Variants in BAG6 observed in about 807,000 individuals in gnomAD.
The protein encoded by BAG6 is large proline-rich protein BAG6.
A neutral mutation model predicts 121.0 loss-of-function variants in BAG6; 22 were observed. That is an observed-to-expected ratio of 0.18 (90% CI 0.13 to 0.26). The LOEUF (loss-of-function observed/expected upper bound fraction) is 0.26. Among genes scored for constraint, BAG6 ranks in the 10% least tolerant of loss-of-function variants. BAG6 has a pLI of 1.00. For missense variants in BAG6, 1,233 were observed against 1,537.7 expected (o/e 0.80, Z 3.31); for synonymous variants, 583 against 584.6 (o/e 1.00, Z 0.04).
chr6:31,646,244 C>G (rs1385845912), intron 8 of BAG6, 150 bp downstream of exon 8: 1 of 1,255,234 alleles, frequency 8.0e-7, no homozygotes, highest in East Asian at 2.5e-5. Context: ...CCTTGGCCTC[C>G]CAAAGTGCTG....
intron 8 of BAG6, 53 bp from the exon 9 acceptor site, chr6:31,645,657 A>G: frequency 1.3e-6 from 2 of 1,585,636 alleles, no homozygotes; most frequent in South Asian, 2.3e-5. Context: ...GCTGGAGTCC[A>G]TCTCACTAAT....
At position 31,646,766 on chromosome 6, in the gene BAG6, G is replaced by GTTTT. The variant is rs66820473; in HGVS notation, c.789-247_789-244dup. Among the ~76,000 whole-genome samples the GTTTT allele has an allele frequency of 2.2e-3, 133 of 60,648 alleles. 2 individuals carry two copies. Among genetic ancestry groups the GTTTT allele is most frequent in the East Asian group, 0.01 (20 of 1,952 alleles). The allele number at this position is 60,648 out of a possible 152,430, so 39.8% of individuals were successfully genotyped here. A position where few individuals can be genotyped will look rare whatever the true frequency, so the allele number is the denominator to read the frequency against. ...CTGCCACCACACCCGGCTAATTTTT[G>GTTTT]TTTTTTTTTTTTTTTTTTTTTTTTT... is the stretch of plus-strand genomic sequence containing the variant. On this transcript the variant is annotated intron_variant, in intron 7 of 25. Transcript: ENST00000676615.
chr6:31,642,972 C>G lies in BAG6; in HGVS notation c.1900G>C (p.Asp634His), dbSNP rs755726048. 15 of 1,602,122 alleles carry G rather than the reference C, an allele frequency of 9.4e-6. No homozygotes were observed. The highest frequency in any genetic ancestry group is 1.1e-5 in the Non-Finnish European group (13 of 1,175,008). Residue 634 changes from aspartate to histidine, a missense_variant, in exon 15 of 26, where the codon GAT becomes CAT. By Grantham distance (81) the Asp-to-His change is moderately conservative. Coordinates refer to ENST00000676615, the MANE Select transcript of BAG6 (RefSeq NM_001387994.1). The stretch of plus-strand genomic sequence containing the variant: ...CCCAGAAGCTGAGAGAACTGAAGAT[C>G]AGCCATGGAGGGTTGAGGGGTGGGT... ...PPPTPQPSMA[D>H]LQFSQLLGNL...
At chr6:31,646,778 T>TTG (rs1561934638) in intron 7 of BAG6, among the ~76,000 whole-genome samples, 1 of 131,340 alleles carries the variant, frequency 7.6e-6, no homozygotes, top group Admixed American at 7.8e-5. Context: ...TTTTTTTTTT[T>TTG]TTTTTTTTTT....
chr6:31,639,851 C>T (rs1780778917), intron 24 of BAG6: 4 of 697,004 alleles, frequency 5.7e-6, no homozygotes, highest in Non-Finnish European at 9.3e-6. Flanking sequence ...AGTGAATGTG[C>T]TTGAACGTGC....
Position 31,644,413 on chromosome 6 carries a change from G to A in BAG6, c.1449C>T (p.Gly483=). The A allele has an allele frequency of 6.4e-7, 1 of 1,551,414 alleles. No homozygotes were observed. The highest frequency in any genetic ancestry group is 8.7e-7 in the Non-Finnish European group (1 of 1,147,270). The change falls in exon 12 of 26, where the codon GGC becomes GGT. Residue 483 remains glycine (G), a splice_region_variant and synonymous_variant. Coordinates refer to ENST00000676615, the MANE Select transcript of BAG6 (RefSeq NM_001387994.1). This position sits in a 1 kb window ranked among gnomAD's most constrained non-coding sequence, Gnocchi z 4.9. ...GGGAGGGCAGCTGGATGAGGGTGGAGCCTGGGGGGCGGGTCTGATGTAACC... is the reference window on the plus strand; with the variant it reads ...GGGAGGGCAGCTGGATGAGGGTGGAACCTGGGGGGCGGGTCTGATGTAACC... The part of the protein sequence containing the change: ...LGPPGHGQTL[G]STLIQLPSLP...
chr6:31,651,233 G>A (rs1476526130), intron 2 of BAG6, among the ~76,000 whole-genome samples: 1 of 152,180 alleles, frequency 6.6e-6, no homozygotes, highest in African/African-American at 2.4e-5. Flanking sequence ...TACGAACAAA[G>A]GGATCAATAA....
intron 8 of BAG6, 24 bp downstream of exon 8, chr6:31,646,370 G>A (rs753908814): frequency 1.9e-6 from 3 of 1,610,128 alleles, no homozygotes; most frequent in African/African-American, 1.3e-5. Flanking sequence ...TGAGGAGAAA[G>A]GGCAGGGCCA....
In BAG6 at chr6:31,647,641, A is replaced by G. The variant is rs1435550635; in HGVS notation, c.738T>C (p.Pro246=). 1 of 1,606,378 alleles carries G rather than the reference A, an allele frequency of 6.2e-7. No individual in the cohort carries two copies. ...RAPAQNPELT[P]GPAPAGPTPA... ...GTGTTGGGCCCGCTGGGGCTGGGCC[A>G]GGAGTGAGCTCCGGGTTCTGGGCTG... The change falls in exon 7 of 26, where the codon CCT becomes CCC. Residue 246 remains proline, a synonymous_variant. Transcript: ENST00000676615.
rs767268870 is a variant in BAG6 at position 31,642,942 on chromosome 6, G to C, written c.1930C>G (p.Leu644Val). The stretch of plus-strand genomic sequence containing the variant: ...GCCCCTGGCCCTGCAGGCCCTAGCA[G>C]GTTCCCCAGAAGCTGAGAGAACTGA... Reference protein sequence around the residue: ...DLQFSQLLGNLLGPAGPGAGG... With the variant: ...DLQFSQLLGNVLGPAGPGAGG... The change falls in exon 15 of 26, where the codon CTG (leucine) becomes GTG (valine). Residue 644 changes from leucine to valine, a missense_variant. Leu to Val is a conservative substitution (Grantham distance 32, BLOSUM62 1). Coordinates refer to ENST00000676615, the MANE Select transcript of BAG6 (RefSeq NM_001387994.1). 4 of 1,607,508 alleles carry C rather than the reference G, an allele frequency of 2.5e-6. No homozygotes were observed. Among genetic ancestry groups the C allele is most frequent in the Admixed American group, 1.7e-5 (1 of 58,940 alleles).
At position 31,644,097 on chromosome 6, in the gene BAG6, T is replaced by C. The variant is rs1396692588; in HGVS notation, c.1653A>G (p.Pro551=). The C allele has an allele frequency of 2.1e-5, 34 of 1,613,662 alleles. No homozygotes were observed. Among genetic ancestry groups the C allele is most frequent in the Non-Finnish European group, 2.6e-5 (31 of 1,179,814 alleles). ...CCTTGCTCACCAGTGTCCCAGAGACTGGGGGCCCTCCAGGATGGGAAGGCC... is the reference window on the plus strand; with the variant it reads ...CCTTGCTCACCAGTGTCCCAGAGACCGGGGGCCCTCCAGGATGGGAAGGCC... ...QARPSHPGGP[P]VSGTLQGAGL... Residue 551 remains proline, a synonymous_variant, in exon 13 of 26, where the codon CCA becomes CCG. Coordinates refer to ENST00000676615, the MANE Select transcript of BAG6 (RefSeq NM_001387994.1). The surrounding 1 kb of genome is among the most constrained non-coding windows in gnomAD (Gnocchi z 4.9).
At chr6:31,639,932 C>A in intron 24 of BAG6, 2 of 614,078 alleles carry the variant, frequency 3.3e-6, no homozygotes, top group Non-Finnish European at 2.8e-6. Context: ...AAGAGGAAAC[C>A]CACCTTAAAG....
intron 4 of BAG6, 106 bp downstream of exon 4, chr6:31,649,093 C>A (rs1267154814): frequency 3.3e-6 from 5 of 1,520,048 alleles, no homozygotes; most frequent in Non-Finnish European, 4.5e-6. Flanking sequence ...ACCACAGGGC[C>A]CCCTGAACCC....
intron 14 of BAG6, 144 bp downstream of exon 14, chr6:31,643,746 A>AAAAAAAAAT: frequency 3.5e-6 from 2 of 570,938 alleles, no homozygotes; most frequent in Admixed American, 7.1e-5. Flanking sequence ...AAAAAAAAAA[A>AAAAAAAAAT]GCTGAAACCT....
In BAG6 at chr6:31,640,729, T is replaced by C. The variant is rs745669719; in HGVS notation, c.2935-25A>G. ...GCTGTGAAATTAAAGAACACCATACTTCCTCTCAGATCTCTCCAGTTCTCT... is the reference window on the plus strand; with the variant it reads ...GCTGTGAAATTAAAGAACACCATACCTCCTCTCAGATCTCTCCAGTTCTCT... On this transcript the variant is annotated intron_variant, in intron 21 of 25. Coordinates refer to ENST00000676615, the MANE Select transcript of BAG6 (RefSeq NM_001387994.1). This position sits in a 1 kb window ranked among gnomAD's most constrained non-coding sequence, Gnocchi z 4.2. 2 of 1,612,982 alleles carry C rather than the reference T, an allele frequency of 1.2e-6. No homozygotes were observed. Among genetic ancestry groups the C allele is most frequent in the East Asian group, 4.5e-5 (2 of 44,882 alleles).
intron 2 of BAG6, 74 bp downstream of exon 2, chr6:31,651,582 G>T: frequency 2.3e-6 from 3 of 1,296,516 alleles, no homozygotes; most frequent in Admixed American, 1.9e-5. Context: ...AGAAAATCAA[G>T]CTCATCTCTC....
In BAG6 at chr6:31,641,558, T is replaced by G; in HGVS notation, c.2540A>C (p.Glu847Ala). 6.2e-7 allele frequency: 1 copy of G among 1,614,042 alleles called. No homozygotes were observed. Among genetic ancestry groups the G allele is most frequent in the Non-Finnish European group, 8.5e-7 (1 of 1,179,980 alleles). Residue 847 changes from glutamate to alanine, a missense_variant, in exon 18 of 26, where the codon GAG (glutamate) becomes GCG (alanine). Coordinates refer to ENST00000676615, the MANE Select transcript of BAG6 (RefSeq NM_001387994.1). The surrounding 1 kb of genome is among the most constrained non-coding windows in gnomAD (Gnocchi z 5.7). Reference protein sequence around the residue: ...ATHTLITGLEEYVRESFSLVQ... With the variant: ...ATHTLITGLEAYVRESFSLVQ... ...ACTCACAAAACTCTCCCGCACATAC[T>G]CTTCTAGCCCCGTGATCAATGTGTG... is the stretch of plus-strand genomic sequence containing the variant.
At position 31,644,544 on chromosome 6, in the gene BAG6, A is replaced by C. The variant is rs1221411880; in HGVS notation, c.1428T>G (p.Pro476=). 1.9e-6 allele frequency: 3 copies of C among 1,611,584 alleles called. No homozygotes were observed. The African/African-American group carries it at 4.0e-5, about 22-fold the overall frequency. Residue 476 remains proline (P), a synonymous_variant, in exon 11 of 26, where the codon CCT becomes CCG. Transcript: ENST00000676615. This position sits in a 1 kb window ranked among gnomAD's most constrained non-coding sequence, Gnocchi z 4.9. ...TCTTACCCAGGGTTTGGCCATGACCAGGGGGTCCCAGGGGGCCAGTGGGAG... is the reference window on the plus strand; with the variant it reads ...TCTTACCCAGGGTTTGGCCATGACCCGGGGGTCCCAGGGGGCCAGTGGGAG... ...PSAPTGPLGP[P]GHGQTLGSTL...
At chr6:31,650,756 A>AC (rs1376802297) in intron 2 of BAG6, among the ~76,000 whole-genome samples, 1 of 152,098 alleles carries the variant, frequency 6.6e-6, no homozygotes, top group African/African-American at 2.4e-5. Flanking sequence ...ACATCTAATC[A>AC]CAAGTCTATA....
Sources: allele counts gnomAD v4.1 joint callset (sites outside exome capture counted in the v4.1 genomes callset), GRCh38; gene constraint gnomAD v4.1.1; non-coding constraint Gnocchi (gnomAD v3.1); transcripts MANE v1.5; gene names NCBI Gene and HGNC (gene_info 2026-07-23, HGNC 2026-07-21).